Variants in CSMD2 observed in about 807,000 individuals in gnomAD.
CSMD2 encodes CUB and sushi domain-containing protein 2.
CSMD2 carries 130 observed loss-of-function variants against 398.5 expected under a neutral mutation model. That is an observed-to-expected ratio of 0.33 (90% CI 0.28 to 0.38). The LOEUF (loss-of-function observed/expected upper bound fraction) is 0.38, where lower values mean the gene tolerates loss of function less well. CSMD2 is among the 10% of genes least tolerant of loss of function. The pLI is 1.00. For synonymous variants in CSMD2, 1,828 were observed against 1,908.5 expected (o/e 0.96, Z 1.10); for missense variants, 3,829 against 4,764.9 (o/e 0.80, Z 5.78).
chr1:33,883,055 C>T (rs957947587), intron 5 of CSMD2, among the ~76,000 whole-genome samples: 53 of 152,174 alleles, frequency 3.5e-4, no homozygotes, highest in African/African-American at 1.2e-3. Flanking sequence ...TTGACTCTTC[C>T]AATGGTCTCC....
chr1:33,615,761 ACC>A (rs1328651725), intron 39 of CSMD2, among the ~76,000 whole-genome samples: 1 of 152,218 alleles, frequency 6.6e-6, no homozygotes, highest in African/African-American at 2.4e-5. Context: ...CCTTGGGCTG[ACC>A]GTTCACATTT....
chr1:33,846,897 A>G lies in CSMD2; in HGVS notation c.1020T>C (p.Ser340=), dbSNP rs763500715. The G allele has an allele frequency of 6.2e-6, 10 of 1,601,898 alleles. No homozygotes were observed. The Middle Eastern group carries it at 1.0e-3, about 159-fold the overall frequency. ...GGACCTGCCTACCTTGGTATTGGGCACTGAATCCGCGCTGCCGGTGGTTGC... is the reference window on the plus strand; with the variant it reads ...GGACCTGCCTACCTTGGTATTGGGCGCTGAATCCGCGCTGCCGGTGGTTGC... The part of the protein sequence containing the change: ...SDGNHRQRGF[S]AQYQVKKQIE... Residue 340 remains serine (S), a synonymous_variant, in exon 6 of 71, where the codon AGT becomes AGC. Transcript: ENST00000373381.
chr1:33,777,718 G>T (rs778529864), intron 12 of CSMD2, among the ~76,000 whole-genome samples: 4 of 152,146 alleles, frequency 2.6e-5, no homozygotes, highest in Non-Finnish European at 5.9e-5. Context: ...TGAGATGATT[G>T]CTTCTAAGAT....
At chr1:33,653,748 C>T (rs868572427) in intron 27 of CSMD2, among the ~76,000 whole-genome samples, 5 of 152,100 alleles carry the variant, frequency 3.3e-5, no homozygotes, top group Admixed American at 6.5e-5. Flanking sequence ...CGTGTGGGGT[C>T]GTTAGCAGGA....
intron 19 of CSMD2, among the ~76,000 whole-genome samples, chr1:33,722,115 T>A (rs1245087576): frequency 6.6e-6 from 1 of 152,222 alleles, no homozygotes; most frequent in Non-Finnish European, 1.5e-5. Flanking sequence ...GATGGACATT[T>A]TAATAGTTCT....
At chr1:33,771,542 A>AAG (rs1651261782) in intron 13 of CSMD2, among the ~76,000 whole-genome samples, 1 of 151,302 alleles carries the variant, frequency 6.6e-6, no homozygotes, top group Admixed American at 6.6e-5. Context: ...TTGTTGGACA[A>AAG]CGTGATTTTT....
chr1:34,014,416 C>A (rs547628987), intron 3 of CSMD2, among the ~76,000 whole-genome samples: 2 of 152,226 alleles, frequency 1.3e-5, no homozygotes, highest in African/African-American at 4.8e-5. Flanking sequence ...TCCTACCACT[C>A]GTCTCCCTCA....
intron 1 of CSMD2, among the ~76,000 whole-genome samples, chr1:34,100,677 C>T (rs531881719): frequency 3.1e-4 from 47 of 152,252 alleles, no homozygotes; most frequent in African/African-American, 1.1e-3. Flanking sequence ...GGATGCACAA[C>T]GTTTCAGTGT....
chr1:33,666,652 G>A (rs1407366183), intron 25 of CSMD2, among the ~76,000 whole-genome samples: 1 of 151,996 alleles, frequency 6.6e-6, no homozygotes, highest in East Asian at 1.9e-4. Flanking sequence ...TATAGATATA[G>A]GAGGGGATTC....
intron 25 of CSMD2, among the ~76,000 whole-genome samples, chr1:33,692,054 T>G (rs532639050): frequency 6.6e-6 from 1 of 152,350 alleles, no homozygotes; most frequent in South Asian, 2.1e-4. Context: ...TTAGAAATGC[T>G]ATGCATCCTC....
At chr1:33,929,081 C>G (rs7555410) in intron 4 of CSMD2, among the ~76,000 whole-genome samples, 1 of 152,008 alleles carries the variant, frequency 6.6e-6, no homozygotes, top group Admixed American at 6.5e-5. Context: ...TCATCTCCAT[C>G]TTGGTCATTG....
chr1:34,035,285 A>G (rs935532795), intron 2 of CSMD2, among the ~76,000 whole-genome samples: 1 of 152,162 alleles, frequency 6.6e-6, no homozygotes, highest in African/African-American at 2.4e-5. Flanking sequence ...TACCAAACAT[A>G]TAAAGAAGAA....
At chr1:34,102,036 C>CTT (rs10707228) in intron 1 of CSMD2, among the ~76,000 whole-genome samples, 2 of 147,282 alleles carry the variant, frequency 1.4e-5, no homozygotes. Flanking sequence ...AAAATGTTCA[C>CTT]TTTTTTTTTT....
intron 57 of CSMD2, among the ~76,000 whole-genome samples, chr1:33,543,514 T>C (rs185813749): frequency 1.1e-4 from 16 of 152,354 alleles, no homozygotes; most frequent in Admixed American, 7.8e-4. Context: ...TCCTATTGCA[T>C]TGGATAAGAA....
intron 12 of CSMD2, among the ~76,000 whole-genome samples, chr1:33,773,861 C>A (rs1395086822): frequency 6.6e-6 from 1 of 151,934 alleles, no homozygotes; most frequent in Non-Finnish European, 1.5e-5. Flanking sequence ...AAAAAGGGAC[C>A]CTGCCTGTTC....
chr1:33,592,465 A>G (rs1171677518), intron 44 of CSMD2: 5 of 716,860 alleles, frequency 7.0e-6, no homozygotes, highest in Non-Finnish European at 1.3e-5. Flanking sequence ...GGGGTGTCAC[A>G]ATGTACAAAC....
chr1:33,969,604 G>C (rs975378299), intron 3 of CSMD2, among the ~76,000 whole-genome samples: 2 of 152,206 alleles, frequency 1.3e-5, no homozygotes, highest in African/African-American at 4.8e-5. Context: ...TTACACATGT[G>C]AAAGTTAAGG....
chr1:33,662,870 G>A lies in CSMD2; in HGVS notation c.4255+20C>T. Reference sequence around the variant, plus strand: ...GTGTCAGGACATGTGGAGTGGGGCTGGCAGAGGGCACGCACAGACCTGAAA... The same window carrying A: ...GTGTCAGGACATGTGGAGTGGGGCTAGCAGAGGGCACGCACAGACCTGAAA... On this transcript the variant is annotated intron_variant, in intron 26 of 70. Transcript: ENST00000373381. 6.2e-7 allele frequency: 1 copy of A among 1,611,956 alleles called. No homozygotes were observed. The highest frequency in any genetic ancestry group is 1.1e-5 in the South Asian group (1 of 91,024).
intron 5 of CSMD2, among the ~76,000 whole-genome samples, chr1:33,889,637 TA>T (rs531733789): frequency 1.7e-4 from 25 of 147,004 alleles, no homozygotes; most frequent in African/African-American, 2.4e-4. Flanking sequence ...GGGAAATTGT[TA>T]AAAAAAATGA....
Sources: allele counts gnomAD v4.1 joint callset (sites outside exome capture counted in the v4.1 genomes callset), GRCh38; gene constraint gnomAD v4.1.1; transcripts MANE v1.5; gene names NCBI Gene and HGNC (gene_info 2026-07-23, HGNC 2026-07-21).